PRSS38: variants seen among roughly 807,000 people sequenced by gnomAD.
PRSS38 encodes the protein marapsin 2.
In PRSS38, 22 loss-of-function variants were observed where a neutral mutation model predicts 26.8. That is an observed-to-expected ratio of 0.82 (90% CI 0.59 to 1.17). The LOEUF is 1.17. Among genes scored for constraint, PRSS38 ranks in the 50% most tolerant of loss-of-function variants. PRSS38 has a pLI of 0.00. For synonymous variants in PRSS38, 175 were observed against 172.1 expected, an observed-to-expected ratio of 1.02 and a Z score of -0.13; for missense variants, 427 against 422.7, an observed-to-expected ratio of 1.01 and a Z score of -0.09.
At chr1:227,845,651 G>A in intron 4 of PRSS38, 39 bp downstream of exon 4, 2 of 1,597,724 alleles carry the variant, frequency 1.3e-6, no homozygotes, top group African/African-American at 1.3e-5. Context: ...GGTCATGGGT[G>A]CCCTGTGCCT....
chr1:227,815,829 C>T, exon 1 of PRSS38: 1 of 1,611,758 alleles, frequency 6.2e-7, no homozygotes, highest in Non-Finnish European at 8.5e-7. Flanking sequence ...CACAGACAGC[C>T]AGAGAACCAG....
At chr1:227,828,026 C>G (rs1665100323) in intron 3 of PRSS38, among the ~76,000 whole-genome samples, 1 of 152,160 alleles carries the variant, frequency 6.6e-6, no homozygotes, top group African/African-American at 2.4e-5. Context: ...ATCTTGAGAT[C>G]TAATTTGATT....
intron 3 of PRSS38, among the ~76,000 whole-genome samples, chr1:227,837,793 A>G (rs1243326515): frequency 2.0e-5 from 3 of 152,168 alleles, no homozygotes; most frequent in African/African-American, 2.4e-5. Context: ...TATGCTACTC[A>G]TGTCATGGCC....
At chr1:227,817,563 G>T in intron 3 of PRSS38, 83 bp downstream of exon 3, 1 of 1,439,924 alleles carries the variant, frequency 6.9e-7, no homozygotes, top group Non-Finnish European at 9.5e-7. Flanking sequence ...CCAGCTAAGG[G>T]GGTCCAGGTG....
chr1:227,815,782 C>T, exon 1 of PRSS38: 1 of 1,612,418 alleles, frequency 6.2e-7, no homozygotes, highest in East Asian at 2.2e-5. Context: ...TGCTGCTGCT[C>T]CTGGTGGTGG....
chr1:227,831,611 A>G (rs1665154890), intron 3 of PRSS38, among the ~76,000 whole-genome samples: 1 of 152,190 alleles, frequency 6.6e-6, no homozygotes, highest in African/African-American at 2.4e-5. Flanking sequence ...GCGATGGCTC[A>G]CACCTGTAAT....
At chr1:227,818,088 T>G (rs193024472) in intron 3 of PRSS38, among the ~76,000 whole-genome samples, 2 of 151,904 alleles carry the variant, frequency 1.3e-5, no homozygotes, top group Non-Finnish European at 2.9e-5. Context: ...CCATATTTTA[T>G]CTTTTATTTA....
chr1:227,820,588 G>A (rs866325929), intron 3 of PRSS38, among the ~76,000 whole-genome samples: 15 of 152,038 alleles, frequency 9.9e-5, no homozygotes, highest in Middle Eastern at 3.4e-3. Context: ...GATAAATCTC[G>A]CTTTGTCATG....
At chr1:227,830,799 C>T (rs1017749879) in intron 3 of PRSS38, among the ~76,000 whole-genome samples, 5 of 151,976 alleles carry the variant, frequency 3.3e-5, no homozygotes, top group African/African-American at 1.2e-4. Flanking sequence ...GCCACCGTGC[C>T]CGGCCTTAAG....
At chr1:227,823,116 C>T (rs995021609) in intron 3 of PRSS38, among the ~76,000 whole-genome samples, 2 of 151,956 alleles carry the variant, frequency 1.3e-5, no homozygotes, top group African/African-American at 4.8e-5. Context: ...TGCTGAGTCT[C>T]CAATGCATAT....
exon 3 of PRSS38, chr1:227,817,306 C>T (rs1185772481): frequency 6.2e-7 from 1 of 1,614,050 alleles, no homozygotes; most frequent in East Asian, 2.2e-5. Flanking sequence ...CAGGGTGATC[C>T]TGCACCCCAC....
chr1:227,836,014 G>A (rs935601716), intron 3 of PRSS38, among the ~76,000 whole-genome samples: 3 of 152,134 alleles, frequency 2.0e-5, no homozygotes, highest in Non-Finnish European at 4.4e-5. Context: ...GTGGCAGGAC[G>A]ATAGCTTAAG....
At chr1:227,843,884 G>A (rs1029643373) in intron 3 of PRSS38, among the ~76,000 whole-genome samples, 3 of 151,988 alleles carry the variant, frequency 2.0e-5, no homozygotes, top group Non-Finnish European at 4.4e-5. Context: ...GCCGGGTGTG[G>A]TGGTGCGCAC....
chr1:227,817,817 C>T (rs1330836548), intron 3 of PRSS38, among the ~76,000 whole-genome samples: 2 of 152,162 alleles, frequency 1.3e-5, no homozygotes, highest in African/African-American at 4.8e-5. Context: ...AAACTTTTCT[C>T]CAGAAAGGCC....
chr1:227,818,757 A>C (rs1356718097), intron 3 of PRSS38, among the ~76,000 whole-genome samples: 2 of 149,790 alleles, frequency 1.3e-5, no homozygotes, highest in Non-Finnish European at 1.5e-5. Flanking sequence ...TATCTTTGGC[A>C]TGAGTGTACT....
At chr1:227,835,863 G>A (rs1665231168) in intron 3 of PRSS38, among the ~76,000 whole-genome samples, 1 of 152,160 alleles carries the variant, frequency 6.6e-6, no homozygotes, top group South Asian at 2.1e-4. Flanking sequence ...TGATTATATG[G>A]CATTGTGAAT....
In PRSS38 at chr1:227,821,026, C is replaced by T. The variant is rs546429414; in HGVS notation, c.583+3546C>T. ...ATAAGTTATTTCACAAATTTATAAT[C>T]ATTTTTGTGCATTTGTTTTTTGAAT... On this transcript the variant is annotated intron_variant, in intron 3 of 4. Coordinates refer to ENST00000366757, the Ensembl canonical transcript of PRSS38. 4.6e-5 allele frequency among the ~76,000 whole-genome samples: 7 copies of T among 152,258 alleles called. No homozygotes were observed. In the South Asian group the frequency reaches 1.5e-3, roughly 32 times the overall value.
chr1:227,832,055 C>G (rs1317409918), intron 3 of PRSS38, among the ~76,000 whole-genome samples: 1 of 152,176 alleles, frequency 6.6e-6, no homozygotes, highest in Non-Finnish European at 1.5e-5. Flanking sequence ...AACTGTCTTT[C>G]TTTGTCCCTA....
intron 3 of PRSS38, among the ~76,000 whole-genome samples, chr1:227,841,261 C>G (rs1396260979): frequency 6.6e-6 from 1 of 152,246 alleles, no homozygotes; most frequent in African/African-American, 2.4e-5. Context: ...AGCAGGCTGG[C>G]CTAGCTGCAC....
Sources: allele counts gnomAD v4.1 joint callset (sites outside exome capture counted in the v4.1 genomes callset), GRCh38; gene constraint gnomAD v4.1.1; transcripts MANE v1.5; gene names NCBI Gene and HGNC (gene_info 2026-07-23, HGNC 2026-07-21).